The following TMEM242 variants were observed in gnomAD, a reference collection of about 807,000 sequenced individuals.
TMEM242 encodes transmembrane protein 242, also known as UPF0463 transmembrane protein C6orf35.
In TMEM242, 10 loss-of-function variants were observed where a neutral mutation model predicts 18.2. The ratio of observed to expected loss-of-function variants is 0.55; its 90% CI spans 0.34 to 0.93. The LOEUF (loss-of-function observed/expected upper bound fraction) is 0.93, where lower values mean the gene tolerates loss of function less well. Ranked by LOEUF, TMEM242 falls within the 40% of genes least tolerant of loss-of-function variation. The pLI, the probability that TMEM242 is intolerant of heterozygous loss-of-function variation, is 0.02. For missense variants in TMEM242, 186 were observed against 175.5 expected (o/e 1.06, Z -0.34); for synonymous variants, 57 against 69.9 (o/e 0.81, Z 0.92).
Position 157,323,343 on chromosome 6 carries a change from G to A in TMEM242, c.88+69C>T, listed in dbSNP as rs1554250857. Reference sequence around the variant, plus strand: ...GAGCGGGATGTGTGTGGGAATGCCCGCTCCAGAGCAAGCCAGGGTCCGGGG... The same window carrying A: ...GAGCGGGATGTGTGTGGGAATGCCCACTCCAGAGCAAGCCAGGGTCCGGGG... On this transcript the variant is annotated intron_variant, in intron 1 of 3. Transcript: ENST00000400788. 15 of 1,528,738 alleles carry A rather than the reference G, an allele frequency of 9.8e-6. No individual in the cohort carries two copies. In the South Asian group the frequency reaches 1.5e-4, roughly 15 times the overall value. 94.7% of individuals were successfully genotyped at this position (1,528,738 alleles called of 1,614,324 possible).
At chr6:157,322,673 C>T (rs1490240887) in intron 2 of TMEM242, 32 bp downstream of exon 2, 5 of 1,573,620 alleles carry the variant, frequency 3.2e-6, no homozygotes, top group Non-Finnish European at 3.5e-6. Context: ...TAAACAATAA[C>T]AATGCTATGA....
chr6:157,301,948 A>G (rs1313696385), intron 3 of TMEM242, among the ~76,000 whole-genome samples: 1 of 152,192 alleles, frequency 6.6e-6, no homozygotes, highest in Non-Finnish European at 1.5e-5. Context: ...AGAAGAAAAA[A>G]GGCAGTCCAG....
chr6:157,307,749 C>T (rs181187726), intron 3 of TMEM242, among the ~76,000 whole-genome samples: 4 of 152,284 alleles, frequency 2.6e-5, no homozygotes, highest in Admixed American at 2.6e-4. Context: ...AAATATTCCC[C>T]AGTCCTCAAG....
intron 3 of TMEM242, chr6:157,299,749 T>A: frequency 3.7e-6 from 6 of 1,602,460 alleles, no homozygotes; most frequent in Non-Finnish European, 5.1e-6. Context: ...GGCTGGAGTT[T>A]GCTGTGACAA....
rs374494551 is a variant in TMEM242 at position 157,289,982 on chromosome 6, C to T, written c.*2919G>A. On this transcript the variant is annotated 3_prime_UTR_variant, in exon 4 of 4. Transcript: ENST00000400788. ...GGCTGCCGGGCGTCTTCGGAGGCAG[C>T]TCCCGTCCCCCACTTTCCACTCTCA... 1 of 152,196 alleles carries T rather than the reference C, an allele frequency of 6.6e-6. No individual in the cohort carries two copies. The highest frequency in any genetic ancestry group is 6.5e-5 in the Admixed American group (1 of 15,274). 9.4% of individuals were successfully genotyped at this position (152,196 alleles called of 1,614,324 possible).
At chr6:157,317,505 CCTCTT>C (rs1354674674) in intron 3 of TMEM242, among the ~76,000 whole-genome samples, 3 of 152,142 alleles carry the variant, frequency 2.0e-5, no homozygotes, top group Non-Finnish European at 4.4e-5. Flanking sequence ...CTTCCTCAGA[CCTCTT>C]CTCTTTTCTT....
At chr6:157,322,621 A>G (rs1164596874) in intron 2 of TMEM242, 84 bp downstream of exon 2, 2 of 1,124,582 alleles carry the variant, frequency 1.8e-6, no homozygotes, top group Non-Finnish European at 2.6e-6. Flanking sequence ...GTGAAAGACC[A>G]TCAATATTTT....
At chr6:157,302,869 G>A (rs768489113) in intron 3 of TMEM242, among the ~76,000 whole-genome samples, 3 of 152,226 alleles carry the variant, frequency 2.0e-5, no homozygotes, top group Non-Finnish European at 4.4e-5. Context: ...GGAGGAAGCA[G>A]GAAATGAAAA....
At chr6:157,298,365 T>A (rs587653158) in intron 3 of TMEM242, among the ~76,000 whole-genome samples, 6 of 152,378 alleles carry the variant, frequency 3.9e-5, no homozygotes, top group Admixed American at 1.3e-4. Context: ...CACCTCTGAC[T>A]GTCAAGCCTC....
At chr6:157,312,990 T>C (rs1778232944) in intron 3 of TMEM242, among the ~76,000 whole-genome samples, 2 of 152,076 alleles carry the variant, frequency 1.3e-5, no homozygotes, top group African/African-American at 4.8e-5. Context: ...TCACCTAGCC[T>C]CATCATAGTG....
At chr6:157,312,198 G>A (rs1778163457) in intron 3 of TMEM242, among the ~76,000 whole-genome samples, 1 of 148,806 alleles carries the variant, frequency 6.7e-6, no homozygotes, top group Non-Finnish European at 1.5e-5. Flanking sequence ...GTGTCCCAGT[G>A]TGCACTGAGC....
chr6:157,312,685 C>A (rs1778208443), intron 3 of TMEM242, among the ~76,000 whole-genome samples: 1 of 152,178 alleles, frequency 6.6e-6, no homozygotes, highest in African/African-American at 2.4e-5. Context: ...CACCTAGCCT[C>A]ATCATAGTGT....
At chr6:157,313,350 GCGCT>G (rs1562386168) in intron 3 of TMEM242, among the ~76,000 whole-genome samples, 80 of 144,022 alleles carry the variant, frequency 5.6e-4, no homozygotes, top group African/African-American at 1.9e-3. Flanking sequence ...GCCCCAGTGT[GCGCT>G]CACCTGGCCT....
intron 3 of TMEM242, among the ~76,000 whole-genome samples, chr6:157,314,291 G>GGCAC (rs1778338815): frequency 1.2e-4 from 11 of 88,710 alleles, no homozygotes; most frequent in East Asian, 3.2e-4. Flanking sequence ...TCATAGTGTC[G>GGCAC]CAGTGTGCAC....
At chr6:157,303,068 C>G (rs1777852069) in intron 3 of TMEM242, among the ~76,000 whole-genome samples, 1 of 152,254 alleles carries the variant, frequency 6.6e-6, no homozygotes, top group Non-Finnish European at 1.5e-5. Context: ...CACCACTGTA[C>G]TTTGTACCTC....
intron 3 of TMEM242, among the ~76,000 whole-genome samples, chr6:157,307,046 T>C (rs1777926190): frequency 6.6e-6 from 1 of 152,232 alleles, no homozygotes; most frequent in East Asian, 1.9e-4. Flanking sequence ...AACTATATAT[T>C]AGTGTAATAC....
chr6:157,310,756 CCGGCCTCATCA>C (rs1778010937), intron 3 of TMEM242, among the ~76,000 whole-genome samples: 1 of 148,864 alleles, frequency 6.7e-6, no homozygotes, highest in Non-Finnish European at 1.5e-5. Context: ...GTGCACTCAC[CCGGCCTCATCA>C]TAGGGTCCCA....
chr6:157,323,458 C>A lies in TMEM242; in HGVS notation c.42G>T (p.Gly14=). 6.2e-7 allele frequency: 1 copy of A among 1,614,082 alleles called. No individual in the cohort carries two copies. Among genetic ancestry groups the A allele is most frequent in the Non-Finnish European group, 8.5e-7 (1 of 1,179,966 alleles). Residue 14 remains glycine (G), a synonymous_variant, in exon 1 of 4, where the codon GGG becomes GGT. Transcript: ENST00000400788. ...AGAATGQPAS[G]LEAPGSTNDR... ...CATTCGTGGACCCCGGAGCCTCCAG[C>A]CCAGAGGCCGGCTGCCCAGTTGCAG...
At chr6:157,295,608 G>A (rs782064232) in intron 3 of TMEM242, among the ~76,000 whole-genome samples, 4 of 152,126 alleles carry the variant, frequency 2.6e-5, no homozygotes, top group African/African-American at 4.8e-5. Context: ...AGCAAGGGGC[G>A]GTCCTGCTCT....
Sources: gnomAD v4.1 joint callset for allele counts (sites outside exome capture counted in the v4.1 genomes callset) on GRCh38, gnomAD v4.1.1 for gene constraint, MANE v1.5 for transcripts, NCBI Gene and HGNC (gene_info 2026-07-23, HGNC 2026-07-21) for gene names.